Variants in EPB41 observed in about 807,000 individuals in gnomAD.
EPB41 encodes erythrocyte membrane protein band 4.1, also known as protein 4.1.
In EPB41, 65 loss-of-function variants were observed where a neutral mutation model predicts 108.0. The ratio of observed to expected loss-of-function variants is 0.60; its 90% CI spans 0.49 to 0.74. The LOEUF (loss-of-function observed/expected upper bound fraction) is 0.74. Ranked by LOEUF, EPB41 falls within the 30% of genes least tolerant of loss-of-function variation. EPB41 has a pLI of 0.00. For synonymous variants in EPB41, 336 were observed against 358.9 expected, an observed-to-expected ratio of 0.94 and a Z score of 0.72; for missense variants, 875 against 1,037.0, an observed-to-expected ratio of 0.84 and a Z score of 2.15.
At chr1:29,112,227 C>T in intron 18 of EPB41, 141 bp from the exon 19 acceptor site, 1 of 686,004 alleles carries the variant, frequency 1.5e-6, no homozygotes, top group Non-Finnish European at 2.6e-6. Context: ...TCTCAAACTC[C>T]TGGCCGCAAG....
rs548088750 is a variant in EPB41 at position 29,075,016 on chromosome 1, G to C, written c.2184+9858G>C. Reference sequence around the variant, plus strand: ...TACTAAAAATACAAAAATTAGCTGGGCGTGGTGATGGGCATCTGTAGTCCC... The same window carrying C: ...TACTAAAAATACAAAAATTAGCTGGCCGTGGTGATGGGCATCTGTAGTCCC... On this transcript the variant is annotated intron_variant, in intron 16 of 20. Transcript: ENST00000343067. 1.2e-3 allele frequency among the ~76,000 whole-genome samples: 188 copies of C among 152,220 alleles called. 1 individual carries two copies. Among genetic ancestry groups the C allele is most frequent in the Non-Finnish European group, 2.1e-3 (145 of 68,020 alleles).
At chr1:28,999,933 A>G (rs1382759055) in intron 4 of EPB41, among the ~76,000 whole-genome samples, 1 of 152,062 alleles carries the variant, frequency 6.6e-6, no homozygotes, top group Admixed American at 6.5e-5. Context: ...ACAGGCACGC[A>G]CCACCATGCT....
At chr1:29,095,625 G>A (rs1662939633) in intron 16 of EPB41, among the ~76,000 whole-genome samples, 1 of 152,016 alleles carries the variant, frequency 6.6e-6, no homozygotes, top group Non-Finnish European at 1.5e-5. Flanking sequence ...GTAAAACTTA[G>A]CCAGGTTTTG....
At position 29,053,104 on chromosome 1, in the gene EPB41, C is replaced by T. The variant is rs528436937; in HGVS notation, c.1637C>T (p.Ala546Val). Residue 546 changes from alanine (A) to valine (V), a missense_variant and splice_region_variant, in exon 12 of 21, where the codon GCA becomes GTA. Ala to Val is a moderately conservative substitution (Grantham distance 64, BLOSUM62 0). Around this residue, in one of 3 missense-constraint regions of EPB41, gnomAD observed 519 missense variants for 627.3 expected, o/e 0.83. Transcript: ENST00000343067. ...SKRASRSLDG[A>V]AAVDSADRSP... ...CTTCCCTTTTCCCTTTCTCACATAGCAGCAGCTGTCGATTCGGCAGACCGA... is the reference window on the plus strand; with the variant it reads ...CTTCCCTTTTCCCTTTCTCACATAGTAGCAGCTGTCGATTCGGCAGACCGA... The T allele has an allele frequency of 8.1e-6, 13 of 1,613,890 alleles. No homozygotes were observed. The highest frequency in any genetic ancestry group is 4.5e-5 in the East Asian group (2 of 44,892).
rs373359108 is a variant in EPB41, at chr1:29,112,485, C to T, written c.2496+37C>T. On this transcript the variant is annotated intron_variant, in intron 19 of 20. Transcript: ENST00000343067. The stretch of plus-strand genomic sequence containing the variant: ...GAAGAGATCTGGGCCTGGGAGGGGT[C>T]CCTGGGCAGGAAGACCGATGAATAC... 9 of 1,568,574 alleles carry T rather than the reference C, an allele frequency of 5.7e-6. No homozygotes were observed. In the African/African-American group the frequency reaches 1.2e-4, roughly 21 times the overall value.
intron 1 of EPB41, among the ~76,000 whole-genome samples, chr1:28,923,552 G>A (rs2093266635): frequency 6.6e-6 from 1 of 152,074 alleles, no homozygotes; most frequent in Admixed American, 6.6e-5. Flanking sequence ...AAATAGTAAA[G>A]GTCAGTGTCA....
At chr1:29,032,409 A>G (rs2096801837) in intron 8 of EPB41, among the ~76,000 whole-genome samples, 1 of 152,206 alleles carries the variant, frequency 6.6e-6, no homozygotes, top group African/African-American at 2.4e-5. Flanking sequence ...TCTCAGTTAC[A>G]TAGTCACTGA....
chr1:29,015,214 A>G (rs534243628), intron 5 of EPB41, among the ~76,000 whole-genome samples: 1 of 152,264 alleles, frequency 6.6e-6, no homozygotes, highest in East Asian at 1.9e-4. Context: ...TTTTTAAAAA[A>G]TTGCTTTATC....
chr1:29,011,658 A>G (rs1474777854), intron 4 of EPB41, among the ~76,000 whole-genome samples: 1 of 152,254 alleles, frequency 6.6e-6, no homozygotes, highest in African/African-American at 2.4e-5. Flanking sequence ...GCCAGGAAGT[A>G]GTGGAGCTAA....
intron 17 of EPB41, among the ~76,000 whole-genome samples, chr1:29,103,282 G>T (rs1666071324): frequency 6.6e-6 from 1 of 152,234 alleles, no homozygotes; most frequent in Non-Finnish European, 1.5e-5. Flanking sequence ...AGTCCCTGTG[G>T]TGTGGGTGTA....
At chr1:28,925,380 G>A (rs2093388251) in intron 1 of EPB41, among the ~76,000 whole-genome samples, 1 of 151,970 alleles carries the variant, frequency 6.6e-6, no homozygotes, top group South Asian at 2.1e-4. Flanking sequence ...TAAAGTGTTG[G>A]GATTATAGTC....
chr1:29,014,815 A>C (rs1440789220), intron 5 of EPB41, among the ~76,000 whole-genome samples: 1 of 152,200 alleles, frequency 6.6e-6, no homozygotes, highest in Non-Finnish European at 1.5e-5. Flanking sequence ...CATAATTTGG[A>C]GTGCTATCCA....
chr1:29,008,857 C>G (rs548573687), intron 4 of EPB41, among the ~76,000 whole-genome samples: 1 of 152,238 alleles, frequency 6.6e-6, no homozygotes, highest in Non-Finnish European at 1.5e-5. Flanking sequence ...ACTTCTGTGC[C>G]TTTCTAATTA....
intron 16 of EPB41, among the ~76,000 whole-genome samples, chr1:29,076,811 G>A (rs1358835392): frequency 6.6e-6 from 1 of 152,152 alleles, no homozygotes; most frequent in African/African-American, 2.4e-5. Flanking sequence ...AAGAGGTTGA[G>A]GCAGGGGATT....
chr1:28,937,648 C>G (rs776144557), intron 1 of EPB41, among the ~76,000 whole-genome samples: 37 of 152,216 alleles, frequency 2.4e-4, no homozygotes, highest in Non-Finnish European at 4.9e-4. Flanking sequence ...CCGCCTTGGC[C>G]TCCCAAAGTC....
rs1187283295 is a variant in EPB41 at position 29,117,143 on chromosome 1, A to G, written c.*331A>G. 7 of 152,164 alleles carry G rather than the reference A, an allele frequency of 4.6e-5. No individual in the cohort carries two copies. Among genetic ancestry groups the G allele is most frequent in the South Asian group, 2.1e-4 (1 of 4,824 alleles). The allele number at this position is 152,164 out of a possible 1,614,324, so 9.4% of individuals were successfully genotyped here. On this transcript the variant is annotated 3_prime_UTR_variant, in exon 21 of 21. Coordinates refer to ENST00000343067, the MANE Select transcript of EPB41 (RefSeq NM_001376013.1). ...CTCTGCCCATTTATTTCCAACCCCA[A>G]CAGACACTGACAGGGTCCATGGAAT...
chr1:28,938,844 T>C (rs2094158887), intron 1 of EPB41, among the ~76,000 whole-genome samples: 1 of 152,244 alleles, frequency 6.6e-6, no homozygotes, highest in African/African-American at 2.4e-5. Context: ...GCAACCTTGG[T>C]TAACTTGCTT....
chr1:29,081,584 C>T (rs896673854), intron 16 of EPB41, among the ~76,000 whole-genome samples: 1 of 152,100 alleles, frequency 6.6e-6, no homozygotes, highest in Admixed American at 6.5e-5. Flanking sequence ...GCCTGTAATC[C>T]CAGTACTTTG....
intron 1 of EPB41, among the ~76,000 whole-genome samples, chr1:28,947,764 GCAGTGAGCTAAGATTGCACTC>G (rs1277096106): frequency 6.6e-6 from 1 of 152,190 alleles, no homozygotes; most frequent in Non-Finnish European, 1.5e-5. Flanking sequence ...GTCGGAGGTT[GCAGTGAGCTAAGATTGCACTC>G]CAGTCTGGGC....
Sources: gnomAD v4.1 joint callset for allele counts (sites outside exome capture counted in the v4.1 genomes callset) on GRCh38, gnomAD v4.1.1 for gene constraint, gnomAD v4.1.1 regional missense constraint, MANE v1.5 for transcripts, NCBI Gene and HGNC (gene_info 2026-07-23, HGNC 2026-07-21) for gene names.